The following FKBP6 variants were observed in gnomAD, a reference collection of about 807,000 sequenced individuals.
FKBP6 encodes the protein inactive peptidyl-prolyl cis-trans isomerase FKBP6.
FKBP6 carries 29 observed loss-of-function variants against 41.7 expected under a neutral mutation model. That is an observed-to-expected ratio of 0.70 (90% CI 0.52 to 0.95). The LOEUF (loss-of-function observed/expected upper bound fraction) is 0.95, where lower values mean the gene tolerates loss of function less well. Ranked by LOEUF, FKBP6 falls within the 40% of genes least tolerant of loss-of-function variation. The pLI is 0.00. For synonymous variants in FKBP6, 130 were observed against 165.1 expected (o/e 0.79, Z 1.63); for missense variants, 338 against 408.7 (o/e 0.83, Z 1.49).
intron 8 of FKBP6, among the ~76,000 whole-genome samples, chr7:73,343,475 A>G (rs1805253195): frequency 1.3e-5 from 2 of 152,094 alleles, no homozygotes; most frequent in South Asian, 4.1e-4. Flanking sequence ...CTTTCTCCTG[A>G]GAACTCGAAA....
chr7:73,334,517 C>T (rs2115853968), intron 5 of FKBP6, among the ~76,000 whole-genome samples: 1 of 151,912 alleles, frequency 6.6e-6, no homozygotes, highest in Admixed American at 6.6e-5. Flanking sequence ...GGCACAGTGA[C>T]TCACACCTAT....
intron 8 of FKBP6, among the ~76,000 whole-genome samples, chr7:73,353,726 C>A (rs73360453): frequency 0.015 from 2,286 of 151,362 alleles, 72 homozygotes; most frequent in African/African-American, 0.051. Context: ...CACAGTATTT[C>A]TTTTTTTCTT....
chr7:73,356,528 C>G (rs1020699064), intron 8 of FKBP6, among the ~76,000 whole-genome samples: 1 of 152,184 alleles, frequency 6.6e-6, no homozygotes, highest in Non-Finnish European at 1.5e-5. Context: ...GTTGGTGTAT[C>G]TCAAATAGGA....
chr7:73,328,738 C>T, intron 2 of FKBP6, 46 bp downstream of exon 2: 3 of 1,611,862 alleles, frequency 1.9e-6, no homozygotes, highest in Non-Finnish European at 2.5e-6. Flanking sequence ...TCATCGCACT[C>T]TGTTGGGAAG....
At chr7:73,340,506 C>G (rs1805140520) in intron 5 of FKBP6, 132 bp from the exon 6 acceptor site, 2 of 732,574 alleles carry the variant, frequency 2.7e-6, no homozygotes, top group South Asian at 2.9e-5. Context: ...TACCTGACTT[C>G]TTATGTTGAT....
intron 5 of FKBP6, among the ~76,000 whole-genome samples, chr7:73,336,005 C>T (rs1369860897): frequency 6.6e-6 from 1 of 152,160 alleles, no homozygotes; most frequent in African/African-American, 2.4e-5. Context: ...TCAGCATTGT[C>T]TGGGTCACAC....
chr7:73,343,331 T>C (rs1805247967), intron 8 of FKBP6, among the ~76,000 whole-genome samples: 1 of 152,182 alleles, frequency 6.6e-6, no homozygotes, highest in East Asian at 1.9e-4. Flanking sequence ...TAAATTTATT[T>C]TTTAAAAAAC....
At chr7:73,351,718 C>T (rs781882213) in intron 8 of FKBP6, among the ~76,000 whole-genome samples, 4 of 152,174 alleles carry the variant, frequency 2.6e-5, no homozygotes, top group Admixed American at 6.5e-5. Flanking sequence ...ACCCTGCTTC[C>T]TGCTAAGATT....
intron 6 of FKBP6, among the ~76,000 whole-genome samples, 161 bp from the exon 7 acceptor site, chr7:73,341,112 T>G (rs1235061039): frequency 1.3e-5 from 2 of 151,958 alleles, no homozygotes; most frequent in East Asian, 1.9e-4. Flanking sequence ...TTAGTAGAGA[T>G]AGGGTTTTGC....
intron 7 of FKBP6, 66 bp from the exon 8 acceptor site, chr7:73,342,741 C>G: frequency 9.1e-7 from 1 of 1,102,162 alleles, no homozygotes; most frequent in South Asian, 1.2e-5. Flanking sequence ...TGGAGAATTC[C>G]AGCCACCAGA....
At chr7:73,345,406 ACCTCCTC>A (rs1805307603) in intron 8 of FKBP6, among the ~76,000 whole-genome samples, 1 of 149,264 alleles carries the variant, frequency 6.7e-6, no homozygotes, top group Non-Finnish European at 1.5e-5. Context: ...CCTTTCTGCA[ACCTCCTC>A]CCTAATGGAG....
intron 8 of FKBP6, among the ~76,000 whole-genome samples, chr7:73,344,027 A>G (rs996404005): frequency 6.6e-6 from 1 of 152,178 alleles, no homozygotes; most frequent in Non-Finnish European, 1.5e-5. Context: ...TGCCTTCGTC[A>G]CTGATGCTGG....
At chr7:73,347,755 C>T (rs1225808672) in intron 8 of FKBP6, among the ~76,000 whole-genome samples, 1 of 152,190 alleles carries the variant, frequency 6.6e-6, no homozygotes, top group African/African-American at 2.4e-5. Flanking sequence ...AGCAATTCTC[C>T]CTCCCCAGCC....
Position 73,340,878 on chromosome 7 carries a change from T to G in FKBP6, c.783+46T>G, listed in dbSNP as rs1355112973. 3 of 1,345,990 alleles carry G rather than the reference T, an allele frequency of 2.2e-6. No individual in the cohort carries two copies. In the African/African-American group the frequency reaches 4.3e-5, roughly 19 times the overall value. 83.4% of individuals were successfully genotyped at this position (1,345,990 alleles called of 1,614,324 possible). A position where few individuals can be genotyped will look rare whatever the true frequency, so the allele number is the denominator to read the frequency against. On this transcript the variant is annotated intron_variant, in intron 6 of 8. Coordinates refer to ENST00000252037, the MANE Select transcript of FKBP6 (RefSeq NM_003602.5). ...TTGGGAATAAACACCCAGGAAAAGGTAGTAGCAGTGCTCAACTCAGCTACT... is the reference window on the plus strand; with the variant it reads ...TTGGGAATAAACACCCAGGAAAAGGGAGTAGCAGTGCTCAACTCAGCTACT...
At chr7:73,357,892 G>A (rs1805679187) in intron 8 of FKBP6, among the ~76,000 whole-genome samples, 1 of 151,736 alleles carries the variant, frequency 6.6e-6, no homozygotes, top group Admixed American at 6.6e-5. Context: ...GGAGGCTGAA[G>A]CAGGAGAATC....
chr7:73,329,198 G>A (rs531981717), intron 2 of FKBP6, among the ~76,000 whole-genome samples, 162 bp from the exon 3 acceptor site: 4 of 152,270 alleles, frequency 2.6e-5, no homozygotes, highest in Non-Finnish European at 4.4e-5. Flanking sequence ...CCAAAGGGCC[G>A]GCACCCAAAA....
At position 73,330,469 on chromosome 7, in the gene FKBP6, C is replaced by T. The variant is rs556945371; in HGVS notation, c.468+117C>T. On this transcript the variant is annotated intron_variant, in intron 4 of 8. Transcript: ENST00000252037. ...GATCGTCCTCTCCAGGGTACCCCCG[C>T]GGCTCCTGTGCGGTGGCGGCGGAGT... 2.5e-3 allele frequency: 2,049 copies of T among 807,632 alleles called. 8 individuals carry two copies. Among genetic ancestry groups the T allele is most frequent in the Non-Finnish European group, 3.6e-3 (1,716 of 475,016 alleles). 50.0% of individuals were successfully genotyped at this position (807,632 alleles called of 1,614,324 possible). A position where few individuals can be genotyped will look rare whatever the true frequency, so the allele number is the denominator to read the frequency against.
Position 73,329,412 on chromosome 7 carries a change from C to T in FKBP6, c.228C>T (p.Tyr76=), listed in dbSNP as rs1804758022. 6 of 1,608,562 alleles carry T rather than the reference C, an allele frequency of 3.7e-6. No individual in the cohort carries two copies. The highest frequency in any genetic ancestry group is 2.2e-5 in the East Asian group (1 of 44,852). ...EHMDRPFDSN[Y]FRKTPRLMKL... ...TGGACAGACCCTTCGATTCTAATTACTTTAGGAAAACTCCTCGGCTAATGA... is the reference window on the plus strand; with the variant it reads ...TGGACAGACCCTTCGATTCTAATTATTTTAGGAAAACTCCTCGGCTAATGA... Residue 76 remains tyrosine, a synonymous_variant, in exon 3 of 9, where the codon TAC becomes TAT. Transcript: ENST00000252037.
chr7:73,356,833 T>C (rs574215201), intron 8 of FKBP6, among the ~76,000 whole-genome samples: 4 of 152,232 alleles, frequency 2.6e-5, no homozygotes, highest in African/African-American at 4.8e-5. Context: ...CAGGCTGGAG[T>C]ACAGTGGCGT....
Sources: allele counts gnomAD v4.1 joint callset (sites outside exome capture counted in the v4.1 genomes callset), GRCh38; gene constraint gnomAD v4.1.1; transcripts MANE v1.5; gene names NCBI Gene and HGNC (gene_info 2026-07-23, HGNC 2026-07-21).